FNIP1: variants seen among roughly 807,000 people sequenced by gnomAD.
FNIP1 encodes the protein folliculin interacting protein 1.
FNIP1 carries 40 observed loss-of-function variants against 124.5 expected under a neutral mutation model. The ratio of observed to expected loss-of-function variants is 0.32; its 90% CI spans 0.25 to 0.42. The LOEUF (loss-of-function observed/expected upper bound fraction) is 0.42. Among genes scored for constraint, FNIP1 ranks in the 10% least tolerant of loss-of-function variants. FNIP1 has a pLI of 1.00. For synonymous variants in FNIP1, 472 were observed against 470.6 expected (o/e 1.00, Z -0.04); for missense variants, 1,176 against 1,403.7 (o/e 0.84, Z 2.59).
At chr5:131,747,565 C>T (rs1052374121) in intron 1 of FNIP1, among the ~76,000 whole-genome samples, 11 of 151,986 alleles carry the variant, frequency 7.2e-5, no homozygotes, top group South Asian at 2.1e-4. Context: ...AGGGGTCTCA[C>T]GGAAACCAGT....
intron 16 of FNIP1, among the ~76,000 whole-genome samples, chr5:131,650,542 G>A (rs971536150): frequency 1.3e-5 from 2 of 152,094 alleles, no homozygotes; most frequent in African/African-American, 4.8e-5. Flanking sequence ...TTCTATGTAC[G>A]AGAAGATCAT....
At chr5:131,708,434 C>T (rs1356231118) in intron 8 of FNIP1, among the ~76,000 whole-genome samples, 2 of 152,150 alleles carry the variant, frequency 1.3e-5, no homozygotes, top group Non-Finnish European at 2.9e-5. Flanking sequence ...GCTCTCTGGG[C>T]CCCAACAAAC....
At chr5:131,661,759 C>G (rs565167730) in intron 15 of FNIP1, among the ~76,000 whole-genome samples, 2 of 152,192 alleles carry the variant, frequency 1.3e-5, no homozygotes, top group South Asian at 4.1e-4. Flanking sequence ...AAATCAGAAA[C>G]CTGCCGTGCC....
At chr5:131,759,382 A>G (rs866925774) in intron 1 of FNIP1, among the ~76,000 whole-genome samples, 1 of 152,212 alleles carries the variant, frequency 6.6e-6, no homozygotes, top group African/African-American at 2.4e-5. Flanking sequence ...CAGAATCTGT[A>G]AGAAACTTAC....
chr5:131,763,209 G>C (rs531130920), intron 1 of FNIP1, among the ~76,000 whole-genome samples: 1 of 152,080 alleles, frequency 6.6e-6, no homozygotes, highest in Non-Finnish European at 1.5e-5. Flanking sequence ...TGAGGAGATA[G>C]ATACCCCATT....
intron 1 of FNIP1, among the ~76,000 whole-genome samples, chr5:131,776,077 G>A (rs1484403573): frequency 6.6e-6 from 1 of 152,162 alleles, no homozygotes; most frequent in East Asian, 1.9e-4. Context: ...GTATTAGGCT[G>A]TGAGTTCCTT....
At chr5:131,646,428 G>T (rs941351413) in intron 17 of FNIP1, among the ~76,000 whole-genome samples, 33 of 152,228 alleles carry the variant, frequency 2.2e-4, no homozygotes, top group Non-Finnish European at 5.9e-5. Context: ...AGTGATATTG[G>T]TTTCTTTTCC....
In FNIP1 at chr5:131,672,232, C is replaced by A. The variant is rs12109782; in HGVS notation, c.2212G>T (p.Val738Leu). Reference protein sequence around the residue: ...VVEKKPPDKIVPASFSCEAAQ... With the variant: ...VVEKKPPDKILPASFSCEAAQ... ...GCCTCACAAGAAAATGAAGCAGGCA[C>A]AATCTTATCTGGAGGTTTTTTTTCC... Residue 738 changes from valine (V) to leucine (L), a missense_variant, in exon 14 of 18, where the codon GTG becomes TTG. Physicochemically the swap from Val to Leu is conservative, Grantham distance 32 (BLOSUM62 1). Coordinates refer to ENST00000510461, the MANE Select transcript of FNIP1 (RefSeq NM_133372.3). The A allele has an allele frequency of 5.0e-3, 8,010 of 1,614,134 alleles. 382 individuals carry two copies. The African/African-American group carries it at 0.094, about 19-fold the overall frequency.
intron 8 of FNIP1, among the ~76,000 whole-genome samples, chr5:131,707,817 T>A (rs981207406): frequency 2.9e-4 from 44 of 152,282 alleles, no homozygotes; most frequent in African/African-American, 9.4e-4. Flanking sequence ...ATCCAATAAC[T>A]TGAAGCAGCC....
intron 1 of FNIP1, among the ~76,000 whole-genome samples, chr5:131,782,053 C>A (rs531580028): frequency 6.6e-6 from 1 of 152,216 alleles, no homozygotes; most frequent in South Asian, 2.1e-4. Context: ...ACTTGGAAAG[C>A]TGAGGTGGGA....
chr5:131,792,225 A>G (rs1772430938), intron 1 of FNIP1, among the ~76,000 whole-genome samples: 1 of 146,282 alleles, frequency 6.8e-6, no homozygotes, highest in South Asian at 2.1e-4. Context: ...CAATGGCGCG[A>G]TCTCAGCTCA....
At chr5:131,736,840 T>C (rs921675062) in intron 2 of FNIP1, among the ~76,000 whole-genome samples, 3 of 152,194 alleles carry the variant, frequency 2.0e-5, no homozygotes, top group African/African-American at 4.8e-5. Context: ...CGTAGAAGAA[T>C]GTTCATATTT....
intron 2 of FNIP1, among the ~76,000 whole-genome samples, chr5:131,740,131 G>A (rs1007708032): frequency 2.6e-5 from 4 of 152,124 alleles, no homozygotes; most frequent in African/African-American, 4.8e-5. Flanking sequence ...ACGTTTTTAC[G>A]TCCCTTAAGA....
chr5:131,758,621 A>G (rs1283420877), intron 1 of FNIP1, among the ~76,000 whole-genome samples: 1 of 152,206 alleles, frequency 6.6e-6, no homozygotes, highest in African/African-American at 2.4e-5. Flanking sequence ...ACCACAAGCT[A>G]TTTTAAGACT....
chr5:131,667,294 A>T (rs182829660), intron 15 of FNIP1, among the ~76,000 whole-genome samples: 186 of 152,348 alleles, frequency 1.2e-3, no homozygotes, highest in African/African-American at 4.4e-3. Context: ...TTCAGAACAC[A>T]GTAGGTCAAT....
chr5:131,701,784 A>C (rs1299551018), intron 10 of FNIP1, among the ~76,000 whole-genome samples: 1 of 152,218 alleles, frequency 6.6e-6, no homozygotes, highest in African/African-American at 2.4e-5. Context: ...AGCCATATAC[A>C]AAACACACTG....
intron 9 of FNIP1, among the ~76,000 whole-genome samples, chr5:131,705,531 C>T (rs1769078630): frequency 1.3e-5 from 2 of 151,944 alleles, no homozygotes; most frequent in Non-Finnish European, 2.9e-5. Flanking sequence ...AAATAAAATC[C>T]ACAATGAGGA....
intron 11 of FNIP1, among the ~76,000 whole-genome samples, chr5:131,696,601 T>A (rs1363440918): frequency 1.3e-5 from 2 of 152,146 alleles, no homozygotes; most frequent in Non-Finnish European, 2.9e-5. Context: ...GTTATAGATA[T>A]TTTTACAATA....
chr5:131,681,844 C>T (rs1561652309), intron 11 of FNIP1, among the ~76,000 whole-genome samples: 1 of 145,442 alleles, frequency 6.9e-6, no homozygotes, highest in Non-Finnish European at 1.5e-5. Context: ...AGCCGAAGAA[C>T]ATGATGGTGC....
Sources: gnomAD v4.1 joint callset for allele counts (sites outside exome capture counted in the v4.1 genomes callset) on GRCh38, gnomAD v4.1.1 for gene constraint, MANE v1.5 for transcripts, NCBI Gene and HGNC (gene_info 2026-07-23, HGNC 2026-07-21) for gene names.